Variants in CBR4 observed in about 807,000 individuals in gnomAD.
CBR4 encodes the protein carbonyl reductase 4, also known as 3-oxoacyl-[acyl-carrier-protein] reductase.
Under a neutral mutation model 21.0 loss-of-function variants are expected in CBR4, and 22 were observed. That is an observed-to-expected ratio of 1.05 (90% CI 0.75 to 1.50). The LOEUF (loss-of-function observed/expected upper bound fraction) is 1.50, where lower values mean the gene tolerates loss of function less well. Ranked by LOEUF, CBR4 falls within the 40% of genes most tolerant of loss-of-function variation. The pLI, the probability that CBR4 is intolerant of heterozygous loss-of-function variation, is 0.00. For synonymous variants in CBR4, 100 were observed against 104.4 expected (o/e 0.96, Z 0.26); for missense variants, 302 against 286.3 (o/e 1.05, Z -0.40).
intron 2 of CBR4, among the ~76,000 whole-genome samples, chr4:168,962,035 A>C (rs564251911): frequency 1.7e-4 from 26 of 152,206 alleles, no homozygotes; most frequent in Middle Eastern, 3.4e-3. Context: ...CAAAAAAAAA[A>C]CCATTATATT....
chr4:168,906,679 C>G (rs1757870973), intron 2 of CBR4, among the ~76,000 whole-genome samples: 1 of 152,168 alleles, frequency 6.6e-6, no homozygotes, highest in Non-Finnish European at 1.5e-5. Context: ...GGCTGGAGTA[C>G]AGTGGCATAA....
chr4:168,980,142 C>T (rs904232081), intron 2 of CBR4, among the ~76,000 whole-genome samples: 3 of 151,984 alleles, frequency 2.0e-5, no homozygotes, highest in Non-Finnish European at 2.9e-5. Context: ...ACCCCCAAGA[C>T]GGAAAGAGAA....
At chr4:168,918,753 A>G (rs1464507707) in intron 2 of CBR4, among the ~76,000 whole-genome samples, 7 of 152,216 alleles carry the variant, frequency 4.6e-5, no homozygotes, top group Non-Finnish European at 8.8e-5. Context: ...CAACACATAC[A>G]TATTTCAAAA....
intron 2 of CBR4, chr4:168,898,681 C>G: frequency 6.2e-7 from 1 of 1,613,898 alleles, no homozygotes; most frequent in Non-Finnish European, 8.5e-7. Flanking sequence ...CAGTAACTTT[C>G]ACATGTAGAG....
intron 2 of CBR4, among the ~76,000 whole-genome samples, chr4:168,966,044 T>A (rs1404774856): frequency 1.3e-5 from 2 of 151,708 alleles, no homozygotes; most frequent in Non-Finnish European, 2.9e-5. Context: ...TTAAACAAAT[T>A]TAGAAGAAAA....
At chr4:168,897,821 G>T (rs1054322472) in intron 2 of CBR4, among the ~76,000 whole-genome samples, 1 of 142,982 alleles carries the variant, frequency 7.0e-6, no homozygotes. Context: ...TTGATGGGTT[G>T]TTTTTTTTTT....
intron 2 of CBR4, among the ~76,000 whole-genome samples, chr4:168,968,900 GTTCT>G (rs74319933): frequency 6.1e-4 from 93 of 152,302 alleles, no homozygotes; most frequent in Non-Finnish European, 3.5e-4. Context: ...CAGTGTGATG[GTTCT>G]GCCTGTTATT....
At chr4:168,934,288 A>AAC (rs1763048343) in intron 2 of CBR4, among the ~76,000 whole-genome samples, 4 of 148,264 alleles carry the variant, frequency 2.7e-5, no homozygotes, top group African/African-American at 9.8e-5. Context: ...AAAACAAAAA[A>AAC]AAAAAAAAAA....
At chr4:168,981,457 A>C (rs1344077914) in intron 2 of CBR4, among the ~76,000 whole-genome samples, 2 of 152,196 alleles carry the variant, frequency 1.3e-5, no homozygotes, top group Non-Finnish European at 2.9e-5. Context: ...TAGACCTGAA[A>C]ACCTGCCTAT....
chr4:168,941,036 C>T (rs1277701011), intron 2 of CBR4, among the ~76,000 whole-genome samples: 1 of 152,116 alleles, frequency 6.6e-6, no homozygotes, highest in Non-Finnish European at 1.5e-5. Context: ...ACCCAAATGA[C>T]CATCAATGAT....
chr4:168,958,303 T>C (rs1763747087), intron 2 of CBR4, among the ~76,000 whole-genome samples: 1 of 152,252 alleles, frequency 6.6e-6, no homozygotes, highest in Non-Finnish European at 1.5e-5. Flanking sequence ...GGTATGTCCT[T>C]ATAGTAGCAT....
At chr4:168,958,006 G>A (rs1763738201) in intron 2 of CBR4, among the ~76,000 whole-genome samples, 1 of 152,114 alleles carries the variant, frequency 6.6e-6, no homozygotes, top group Non-Finnish European at 1.5e-5. Flanking sequence ...CAGCCCTGCG[G>A]AACTATGAGT....
intron 2 of CBR4, among the ~76,000 whole-genome samples, chr4:168,937,798 T>G (rs781678780): frequency 4.3e-4 from 66 of 151,916 alleles, no homozygotes; most frequent in Admixed American, 7.9e-4. Context: ...TACAGGAACA[T>G]CCAGATTCAT....
At position 168,944,861 on chromosome 4, in the gene CBR4, C is replaced by G. The variant is rs113010760; in HGVS notation, n.170-50096G>C. On this transcript the variant is annotated intron_variant and non_coding_transcript_variant, in intron 2 of 3. Transcript: ENST00000509108. Reference sequence around the variant, plus strand: ...ACTGACTCTCATAAATACAGCCTGTCAAGCAAATAAAACCAGAAATATCAA... The same window carrying G: ...ACTGACTCTCATAAATACAGCCTGTGAAGCAAATAAAACCAGAAATATCAA... 9.3e-4 allele frequency among the ~76,000 whole-genome samples: 141 copies of G among 152,152 alleles called. 1 individual carries two copies. The highest frequency in any genetic ancestry group is 3.3e-3 in the African/African-American group (136 of 41,564).
At chr4:168,901,533 T>G (rs1290311816) in intron 2 of CBR4, among the ~76,000 whole-genome samples, 1 of 152,194 alleles carries the variant, frequency 6.6e-6, no homozygotes, top group South Asian at 2.1e-4. Context: ...AGAAATTGTA[T>G]ACTTATTACA....
At chr4:169,000,440 A>G (rs1280246674) in intron 4 of CBR4, among the ~76,000 whole-genome samples, 1 of 152,174 alleles carries the variant, frequency 6.6e-6, no homozygotes, top group Non-Finnish European at 1.5e-5. Flanking sequence ...AAAAGGGTTA[A>G]TAGGATATTT....
At position 168,989,491 on chromosome 4, in the gene CBR4, A is replaced by G; in HGVS notation, c.*659T>C. 1 of 985,176 alleles carries G rather than the reference A, an allele frequency of 1.0e-6. No homozygotes were observed. The highest frequency in any genetic ancestry group is 1.2e-6 in the Non-Finnish European group (1 of 829,802). The allele number at this position is 985,176 out of a possible 1,614,324, so 61.0% of individuals were successfully genotyped here. Reference sequence around the variant, plus strand: ...TAAATTCATGTCTTTAATGAATACTATGTTTTGCAACCTGTATAAAAACTG... The same window carrying G: ...TAAATTCATGTCTTTAATGAATACTGTGTTTTGCAACCTGTATAAAAACTG... On this transcript the variant is annotated 3_prime_UTR_variant, in exon 5 of 5. Coordinates refer to ENST00000306193, the MANE Select transcript of CBR4 (RefSeq NM_032783.5).
intron 2 of CBR4, among the ~76,000 whole-genome samples, chr4:168,913,386 G>A (rs1759440176): frequency 6.6e-6 from 1 of 151,972 alleles, no homozygotes. Context: ...ATCCACCTGC[G>A]TCAGCCTCCC....
chr4:168,939,884 A>G (rs1040370604), intron 2 of CBR4, among the ~76,000 whole-genome samples: 1 of 152,230 alleles, frequency 6.6e-6, no homozygotes, highest in African/African-American at 2.4e-5. Flanking sequence ...TATAGATTCA[A>G]TGCTATCCCC....
Sources: allele counts gnomAD v4.1 joint callset (sites outside exome capture counted in the v4.1 genomes callset), GRCh38; gene constraint gnomAD v4.1.1; transcripts MANE v1.5; gene names NCBI Gene and HGNC (gene_info 2026-07-23, HGNC 2026-07-21).